Variants in RNF217 observed in about 807,000 individuals in gnomAD.
RNF217 encodes the protein E3 ubiquitin-protein ligase RNF217.
In RNF217, 31 loss-of-function variants were observed where a neutral mutation model predicts 57.8. The observed-to-expected ratio is 0.54, with a 90% CI of 0.40 to 0.72. The LOEUF (loss-of-function observed/expected upper bound fraction) is 0.72, where lower values mean the gene tolerates loss of function less well. Among genes scored for constraint, RNF217 ranks in the 30% least tolerant of loss-of-function variants. The pLI is 0.00. For missense variants in RNF217, 696 were observed against 708.3 expected, an observed-to-expected ratio of 0.98 and a Z score of 0.20; for synonymous variants, 313 against 294.0, an observed-to-expected ratio of 1.06 and a Z score of -0.66.
At chr6:124,979,150 C>G (rs890356697) in intron 1 of RNF217, among the ~76,000 whole-genome samples, 1 of 152,256 alleles carries the variant, frequency 6.6e-6, no homozygotes, top group Non-Finnish European at 1.5e-5. Flanking sequence ...GCTTGAAGGT[C>G]GGGTTTCACC....
chr6:125,070,672 T>C lies in RNF217; in HGVS notation c.1282-5985T>C, dbSNP rs371240462. 4.4e-4 allele frequency among the ~76,000 whole-genome samples: 67 copies of C among 152,344 alleles called. No homozygotes were observed. In the South Asian group the frequency reaches 0.013, roughly 30 times the overall value. On this transcript the variant is annotated intron_variant, in intron 3 of 5. Coordinates refer to ENST00000521654, the MANE Select transcript of RNF217 (RefSeq NM_001286398.3). ...TTGAGAAATGTCTATTCATGTCCTT[T>C]GTCCACTTTTTTATGGGATTTGTTT...
At chr6:125,042,251 T>G (rs1441733480) in intron 1 of RNF217, among the ~76,000 whole-genome samples, 2 of 152,082 alleles carry the variant, frequency 1.3e-5, no homozygotes, top group East Asian at 3.9e-4. Context: ...AAACTGCCAA[T>G]TACTGGCTTG....
intron 1 of RNF217, among the ~76,000 whole-genome samples, chr6:125,038,930 T>C (rs1786762808): frequency 6.6e-6 from 1 of 152,078 alleles, no homozygotes; most frequent in Non-Finnish European, 1.5e-5. Flanking sequence ...TATCAACCCA[T>C]CACCTGGGTA....
chr6:125,078,826 A>C (rs1472686739), intron 4 of RNF217, among the ~76,000 whole-genome samples: 1 of 152,234 alleles, frequency 6.6e-6, no homozygotes, highest in East Asian at 1.9e-4. Flanking sequence ...CACCCCAAGC[A>C]CAGCTGCCTC....
chr6:125,006,462 A>G (rs1785182665), intron 1 of RNF217, among the ~76,000 whole-genome samples: 1 of 152,222 alleles, frequency 6.6e-6, no homozygotes, highest in Non-Finnish European at 1.5e-5. Flanking sequence ...TATAGTTACA[A>G]TTATTCCACA....
chr6:125,040,439 G>A (rs1316916922), intron 1 of RNF217, among the ~76,000 whole-genome samples: 1 of 152,124 alleles, frequency 6.6e-6, no homozygotes, highest in African/African-American at 2.4e-5. Flanking sequence ...TGAAATTGAG[G>A]CAGTAATTAA....
intron 4 of RNF217, 110 bp from the exon 5 acceptor site, chr6:125,081,326 T>C: frequency 1.4e-6 from 1 of 740,564 alleles, no homozygotes. Context: ...TTAAGTGTAA[T>C]CAGACTACTT....
At chr6:125,023,347 A>T (rs1298394030) in intron 1 of RNF217, among the ~76,000 whole-genome samples, 1 of 152,190 alleles carries the variant, frequency 6.6e-6, no homozygotes, top group Non-Finnish European at 1.5e-5. Context: ...TTTCACATGG[A>T]GGGAGTTTTC....
rs1290192233 is a variant in RNF217, at chr6:125,088,506, T to G, written c.*5569T>G. On this transcript the variant is annotated 3_prime_UTR_variant, in exon 6 of 6. Transcript: ENST00000521654. ...CAGTAGTGAGACTATTCTCATTGCT[T>G]CTTTGGAGCATTAGCTGAAGCTTTA... The G allele has an allele frequency of 6.6e-6, 1 of 152,176 alleles. No homozygotes were observed. Among genetic ancestry groups the G allele is most frequent in the Admixed American group, 6.6e-5 (1 of 15,266 alleles). The allele number at this position is 152,176 out of a possible 1,614,324, so 9.4% of individuals were successfully genotyped here. A position where few individuals can be genotyped will look rare whatever the true frequency, so the allele number is the denominator to read the frequency against.
At chr6:124,998,069 C>G (rs9375382) in intron 1 of RNF217, among the ~76,000 whole-genome samples, 87,142 of 151,906 alleles carry the variant, frequency 0.57, 26,241 homozygotes, top group African/African-American at 0.77. Flanking sequence ...TCAGAGCAAA[C>G]TTTTAATATT....
intron 1 of RNF217, among the ~76,000 whole-genome samples, chr6:124,991,127 A>G (rs1483772664): frequency 1.3e-5 from 2 of 152,190 alleles, no homozygotes; most frequent in Non-Finnish European, 2.9e-5. Context: ...GTAAAGGCCA[A>G]AGATCTTGCA....
At chr6:125,006,683 T>G (rs1785192384) in intron 1 of RNF217, among the ~76,000 whole-genome samples, 1 of 152,196 alleles carries the variant, frequency 6.6e-6, no homozygotes, top group Admixed American at 6.5e-5. Context: ...GTGTGGTGGC[T>G]CATGCCTGTA....
intron 1 of RNF217, among the ~76,000 whole-genome samples, chr6:125,008,207 G>A (rs1785266505): frequency 6.6e-6 from 1 of 151,758 alleles, no homozygotes; most frequent in Non-Finnish European, 1.5e-5. Context: ...ACTGAGCTGA[G>A]ATGGAACCAC....
chr6:125,066,006 C>T (rs569147937), intron 3 of RNF217, among the ~76,000 whole-genome samples: 2 of 152,324 alleles, frequency 1.3e-5, no homozygotes, highest in South Asian at 2.1e-4. Context: ...AGTCTTCCAG[C>T]TGCTCAGGCC....
At position 125,002,102 on chromosome 6, in the gene RNF217, G is replaced by A. The variant is rs117608130; in HGVS notation, c.882+38676G>A. Among the ~76,000 whole-genome samples, 14 of 152,290 alleles carry A rather than the reference G, an allele frequency of 9.2e-5. No individual in the cohort carries two copies. In the East Asian group the frequency reaches 1.9e-3, roughly 21 times the overall value. On this transcript the variant is annotated intron_variant, in intron 1 of 5. Coordinates refer to ENST00000521654, the MANE Select transcript of RNF217 (RefSeq NM_001286398.3). ...TGAATTATTTTGGTATTGTTAGAGA[G>A]TAAAATACTGGAGAGACTAATAATC...
chr6:125,001,173 A>G (rs1317803058), intron 1 of RNF217, among the ~76,000 whole-genome samples: 1 of 152,186 alleles, frequency 6.6e-6, no homozygotes, highest in Admixed American at 6.5e-5. Flanking sequence ...AAAGAAGTCA[A>G]GTTTTTTGAA....
chr6:124,983,393 G>A (rs1175794828), intron 1 of RNF217: 6 of 984,960 alleles, frequency 6.1e-6, no homozygotes, highest in African/African-American at 3.5e-5. Flanking sequence ...ACACAAACAT[G>A]AGAAGATTAA....
chr6:125,006,870 A>G (rs1346423713), intron 1 of RNF217, among the ~76,000 whole-genome samples: 2 of 152,188 alleles, frequency 1.3e-5, no homozygotes, highest in Non-Finnish European at 2.9e-5. Flanking sequence ...AATCACTTGA[A>G]CCCAGGAGGC....
At chr6:125,007,057 CAATT>C (rs1378092361) in intron 1 of RNF217, among the ~76,000 whole-genome samples, 1 of 152,214 alleles carries the variant, frequency 6.6e-6, no homozygotes, top group Admixed American at 6.5e-5. Flanking sequence ...AAGTTCTAGA[CAATT>C]AATTCTGAGA....
Sources: allele counts gnomAD v4.1 joint callset (sites outside exome capture counted in the v4.1 genomes callset), GRCh38; gene constraint gnomAD v4.1.1; transcripts MANE v1.5; gene names NCBI Gene and HGNC (gene_info 2026-07-23, HGNC 2026-07-21).